The following LCORL variants were observed in gnomAD, a reference collection of about 807,000 sequenced individuals.
LCORL encodes ligand dependent nuclear receptor corepressor like, also known as ligand-dependent nuclear receptor corepressor-like protein.
LCORL carries 41 observed loss-of-function variants against 141.8 expected under a neutral mutation model. That is an observed-to-expected ratio of 0.29 (90% CI 0.23 to 0.38). The LOEUF (loss-of-function observed/expected upper bound fraction) is 0.38, where lower values mean the gene tolerates loss of function less well. Ranked by LOEUF, LCORL falls within the 10% of genes least tolerant of loss-of-function variation. LCORL has a pLI of 1.00. For synonymous variants in LCORL, 618 were observed against 694.1 expected (o/e 0.89, Z 1.72); for missense variants, 1,759 against 2,035.0 (o/e 0.86, Z 2.61).
At chr4:17,886,765 G>A (rs188997374) in intron 5 of LCORL, among the ~76,000 whole-genome samples, 8 of 151,994 alleles carry the variant, frequency 5.3e-5, no homozygotes, top group Non-Finnish European at 7.4e-5. Context: ...CATAATTTAC[G>A]ATAATGCAAC....
At chr4:17,850,502 A>G (rs1478378844) in intron 7 of LCORL, among the ~76,000 whole-genome samples, 5 of 152,264 alleles carry the variant, frequency 3.3e-5, no homozygotes, top group Admixed American at 2.0e-4. Context: ...GAAGAGATTT[A>G]TGCAGCCAAC....
rs555264227 is a variant in LCORL at position 17,993,615 on chromosome 4, A to T, written c.155-20730T>A. Among the ~76,000 whole-genome samples the T allele has an allele frequency of 4.6e-5, 7 of 152,380 alleles. No individual in the cohort carries two copies. The South Asian group carries it at 1.2e-3, about 27-fold the overall frequency. ...AAGGCTGAAGATGTGTGCAACACAG[A>T]TCCTGAGGAGCCTAGTTATGTTTTG... On this transcript the variant is annotated intron_variant, in intron 1 of 7. Transcript: ENST00000635767.
chr4:17,850,721 G>A (rs1215885654), intron 7 of LCORL, among the ~76,000 whole-genome samples: 2 of 151,504 alleles, frequency 1.3e-5, no homozygotes, highest in Non-Finnish European at 2.9e-5. Context: ...TCAGTGTGGC[G>A]ATTCCTCAGG....
At chr4:17,984,497 G>T (rs1718597689) in intron 1 of LCORL, among the ~76,000 whole-genome samples, 1 of 151,658 alleles carries the variant, frequency 6.6e-6, no homozygotes, top group Non-Finnish European at 1.5e-5. Flanking sequence ...TCAGTTGTAT[G>T]GGGGGGTATA....
chr4:17,963,651 T>TC (rs200389395), intron 2 of LCORL, among the ~76,000 whole-genome samples: 1 of 150,900 alleles, frequency 6.6e-6, no homozygotes, highest in Non-Finnish European at 1.5e-5. Context: ...ATTTTTTTTT[T>TC]CCAGAAGAAT....
intron 1 of LCORL, among the ~76,000 whole-genome samples, chr4:18,014,712 T>G (rs1296441276): frequency 1.3e-5 from 2 of 152,230 alleles, no homozygotes; most frequent in Non-Finnish European, 2.9e-5. Flanking sequence ...ATTTTTATTT[T>G]GCTTTAATTA....
intron 4 of LCORL, among the ~76,000 whole-genome samples, chr4:17,910,883 G>T (rs11945553): frequency 0.043 from 6,484 of 152,178 alleles, 457 homozygotes; most frequent in African/African-American, 0.15. Flanking sequence ...CTGAAAGAGG[G>T]AACTATGGGC....
At chr4:17,842,421 C>T (rs1722501546) in exon 8 of LCORL, 1 of 1,501,092 alleles carries the variant, frequency 6.7e-7, no homozygotes, top group Non-Finnish European at 9.2e-7. Context: ...CCTATCTTCA[C>T]TTTTTATTTC....
At chr4:18,016,689 T>C (rs1724692229) in intron 1 of LCORL, among the ~76,000 whole-genome samples, 1 of 152,186 alleles carries the variant, frequency 6.6e-6, no homozygotes, top group Non-Finnish European at 1.5e-5. Flanking sequence ...GGTGTTAAAA[T>C]GATAATATAC....
chr4:18,010,177 G>T (rs904943287), intron 1 of LCORL, among the ~76,000 whole-genome samples: 1 of 152,082 alleles, frequency 6.6e-6, no homozygotes, highest in Non-Finnish European at 1.5e-5. Context: ...AGTTTAAAAA[G>T]TTAATTGAAA....
exon 7 of LCORL, chr4:17,874,722 A>C (rs890780868): frequency 2.4e-6 from 3 of 1,233,842 alleles, no homozygotes; most frequent in Non-Finnish European, 3.0e-6. Flanking sequence ...CCACCACCTG[A>C]GCAAAGGGTT....
At chr4:17,952,056 T>A (rs1054407733) in intron 4 of LCORL, among the ~76,000 whole-genome samples, 2 of 152,192 alleles carry the variant, frequency 1.3e-5, no homozygotes, top group Admixed American at 6.5e-5. Flanking sequence ...ATATAGCACA[T>A]ATTAGTTCTT....
intron 4 of LCORL, among the ~76,000 whole-genome samples, chr4:17,917,132 G>A (rs1008826505): frequency 9.9e-5 from 15 of 152,010 alleles, no homozygotes; most frequent in African/African-American, 2.7e-4. Flanking sequence ...GTGCTACTGC[G>A]CCCAGCTAAC....
chr4:17,860,679 C>T (rs1724898312), intron 7 of LCORL, among the ~76,000 whole-genome samples: 1 of 152,182 alleles, frequency 6.6e-6, no homozygotes, highest in South Asian at 2.1e-4. Context: ...AGTCCAAAGT[C>T]TCATCTGAGA....
At position 17,953,606 on chromosome 4, in the gene LCORL, G is replaced by A. The variant is rs558502786; in HGVS notation, c.430+8297C>T. 2.6e-5 allele frequency among the ~76,000 whole-genome samples: 4 copies of A among 152,202 alleles called. No individual in the cohort carries two copies. In the South Asian group the frequency reaches 8.3e-4, roughly 32 times the overall value. ...ACTCCCTCATGATGTTTATCTAAAG[G>A]TCTAGCATACTGCAGCTGTGAGTTA... On this transcript the variant is annotated intron_variant, in intron 4 of 7. Transcript: ENST00000635767.
chr4:17,859,356 T>G (rs1051278177), intron 7 of LCORL, among the ~76,000 whole-genome samples: 1 of 152,176 alleles, frequency 6.6e-6, no homozygotes, highest in African/African-American at 2.4e-5. Context: ...CCATCATAAG[T>G]TGAGGAGCAT....
At chr4:18,005,543 C>G (rs1026451036) in intron 1 of LCORL, among the ~76,000 whole-genome samples, 148 of 152,222 alleles carry the variant, frequency 9.7e-4, no homozygotes, top group Non-Finnish European at 1.2e-4. Flanking sequence ...AGAGGTTCTC[C>G]ATGAGAGCCC....
At chr4:18,010,108 G>C (rs1490432578) in intron 1 of LCORL, among the ~76,000 whole-genome samples, 1 of 152,174 alleles carries the variant, frequency 6.6e-6, no homozygotes, top group African/African-American at 2.4e-5. Flanking sequence ...CTATTTGTCA[G>C]AGTACCTGCT....
exon 8 of LCORL, chr4:17,841,792 T>C (rs903015176): frequency 2.6e-5 from 4 of 152,250 alleles, no homozygotes; most frequent in African/African-American, 9.7e-5. Flanking sequence ...GTTTTTACAT[T>C]GAAATATATT....
Sources: allele counts gnomAD v4.1 joint callset (sites outside exome capture counted in the v4.1 genomes callset), GRCh38; gene constraint gnomAD v4.1.1; transcripts MANE v1.5; gene names NCBI Gene and HGNC (gene_info 2026-07-23, HGNC 2026-07-21).